Variants in NSG2 observed in about 807,000 individuals in gnomAD.
NSG2 encodes neuronal vesicle trafficking associated 2.
NSG2 carries 4 observed loss-of-function variants against 16.9 expected under a neutral mutation model. The ratio of observed to expected loss-of-function variants is 0.24; its 90% CI spans 0.12 to 0.54. The LOEUF is 0.54. Among genes scored for constraint, NSG2 ranks in the 20% least tolerant of loss-of-function variants. The probability of loss-of-function intolerance (pLI) is 0.95; values close to 1 mark genes in which losing one functional copy is unlikely to be tolerated. For synonymous variants in NSG2, 98 were observed against 88.7 expected (o/e 1.11, Z -0.59); for missense variants, 179 against 221.1 (o/e 0.81, Z 1.21).
intron 2 of NSG2, among the ~76,000 whole-genome samples, chr5:174,060,611 A>G (rs949822524): frequency 6.7e-6 from 1 of 150,320 alleles, no homozygotes; most frequent in African/African-American, 2.5e-5. Context: ...CGTAGGTCAG[A>G]AGTCCAGCCA....
At chr5:174,091,616 C>T (rs1319628049) in intron 3 of NSG2, among the ~76,000 whole-genome samples, 1 of 150,562 alleles carries the variant, frequency 6.6e-6, no homozygotes, top group Non-Finnish European at 1.5e-5. Flanking sequence ...CAGTAGCAGA[C>T]AGCCTAGAAC....
At chr5:174,101,450 T>C (rs949851858) in intron 3 of NSG2, among the ~76,000 whole-genome samples, 3 of 152,154 alleles carry the variant, frequency 2.0e-5, no homozygotes, top group African/African-American at 7.2e-5. Context: ...TATCAGTCAT[T>C]CCCCATTCCC....
At chr5:174,077,677 T>C (rs1319777948) in intron 3 of NSG2, among the ~76,000 whole-genome samples, 1 of 152,168 alleles carries the variant, frequency 6.6e-6, no homozygotes, top group African/African-American at 2.4e-5. Context: ...ACCATTTCCT[T>C]TCTGGGACTT....
intron 3 of NSG2, among the ~76,000 whole-genome samples, chr5:174,097,843 CTGTGTG>C (rs111292177): frequency 2.1e-5 from 3 of 144,364 alleles, no homozygotes; most frequent in South Asian, 2.2e-4. Flanking sequence ...TTGTGTGTGT[CTGTGTG>C]TGTGTGTGTG....
chr5:174,064,141 G>A, intron 2 of NSG2, 91 bp from the exon 3 acceptor site: 1 of 834,344 alleles, frequency 1.2e-6, no homozygotes, highest in Non-Finnish European at 1.8e-6. Context: ...TGATCTTTAT[G>A]TCATGTGTAA....
rs1226231191 is a variant in NSG2, at chr5:174,064,543, A to G, written c.213+228A>G. Reference sequence around the variant, plus strand: ...CGTGTACTCTGGAATGTTCTGATAAATCTCATAATTGATAAATGCCTCTTC... The same window carrying G: ...CGTGTACTCTGGAATGTTCTGATAAGTCTCATAATTGATAAATGCCTCTTC... On this transcript the variant is annotated intron_variant, in intron 3 of 4. Transcript: ENST00000303177. 6 of 364,008 alleles carry G rather than the reference A, an allele frequency of 1.6e-5. No homozygotes were observed. In the East Asian group the frequency reaches 2.4e-4, roughly 15 times the overall value. The allele number at this position is 364,008 out of a possible 1,614,324, so 22.5% of individuals were successfully genotyped here.
intron 3 of NSG2, among the ~76,000 whole-genome samples, chr5:174,073,703 T>C (rs77733431): frequency 0.016 from 2,441 of 152,270 alleles, 27 homozygotes; most frequent in Non-Finnish European, 0.021. Context: ...AAAACACACA[T>C]TGTGCTGCCT....
intron 2 of NSG2, among the ~76,000 whole-genome samples, chr5:174,048,717 C>G (rs1231135427): frequency 6.6e-6 from 1 of 152,168 alleles, no homozygotes; most frequent in East Asian, 1.9e-4. Flanking sequence ...CCCTTACTCT[C>G]CCACCCACCT....
At chr5:174,069,206 C>A (rs558091895) in intron 3 of NSG2, among the ~76,000 whole-genome samples, 1 of 151,788 alleles carries the variant, frequency 6.6e-6, no homozygotes, top group East Asian at 2.0e-4. Flanking sequence ...GCTATGGAGG[C>A]AGCTGGTGCC....
At chr5:174,102,632 CT>C (rs10714316) in intron 3 of NSG2, among the ~76,000 whole-genome samples, 48,876 of 151,794 alleles carry the variant, frequency 0.32, 11,153 homozygotes, top group African/African-American at 0.65. Context: ...GGTGCCCCCA[CT>C]TTGTTTGGTG....
chr5:174,077,500 A>G (rs557526821), intron 3 of NSG2, among the ~76,000 whole-genome samples: 1 of 152,260 alleles, frequency 6.6e-6, no homozygotes, highest in South Asian at 2.1e-4. Flanking sequence ...TTCTCGACAC[A>G]CTGGACCCGA....
chr5:174,070,051 A>C (rs1760209721), intron 3 of NSG2, among the ~76,000 whole-genome samples: 1 of 151,480 alleles, frequency 6.6e-6, no homozygotes, highest in Non-Finnish European at 1.5e-5. Flanking sequence ...CTAATTTAAA[A>C]AGGTTTTTCT....
At position 174,093,034 on chromosome 5, in the gene NSG2, C is replaced by G. The variant is rs115966357; in HGVS notation, c.214-11194C>G. Among the ~76,000 whole-genome samples the G allele has an allele frequency of 8.7e-3, 1,331 of 152,216 alleles. 17 individuals are homozygous for G. The highest frequency in any genetic ancestry group is 0.031 in the African/African-American group (1,291 of 41,522). The stretch of plus-strand genomic sequence containing the variant: ...GCAATATATTTTTAATAAAAATGAA[C>G]TGTAATGTTATTGTAGGTTTATAGG... On this transcript the variant is annotated intron_variant, in intron 3 of 4. Coordinates refer to ENST00000303177, the MANE Select transcript of NSG2 (RefSeq NM_015980.5).
At chr5:174,045,903 C>G (rs1759788045) in intron 1 of NSG2, 60 bp downstream of exon 1, 1 of 152,366 alleles carries the variant, frequency 6.6e-6, no homozygotes, top group Non-Finnish European at 1.5e-5. Context: ...CCCTTTCACC[C>G]CCACAACAAC....
chr5:174,076,000 A>T (rs1393911361), intron 3 of NSG2, among the ~76,000 whole-genome samples: 1 of 152,232 alleles, frequency 6.6e-6, no homozygotes, highest in Non-Finnish European at 1.5e-5. Flanking sequence ...TCATTCATTC[A>T]TTCTAATTCT....
chr5:174,080,252 C>G (rs1253161920), intron 3 of NSG2, among the ~76,000 whole-genome samples: 2 of 150,726 alleles, frequency 1.3e-5, no homozygotes, highest in Admixed American at 6.6e-5. Flanking sequence ...TCCTTTCACT[C>G]CTTACCCATT....
intron 3 of NSG2, among the ~76,000 whole-genome samples, chr5:174,101,784 T>G (rs572457117): frequency 2.0e-4 from 31 of 152,368 alleles, no homozygotes; most frequent in African/African-American, 6.7e-4. Flanking sequence ...AAACACATGT[T>G]GATCATGTGT....
chr5:174,080,410 T>C (rs969389020), intron 3 of NSG2, among the ~76,000 whole-genome samples: 1 of 151,446 alleles, frequency 6.6e-6, no homozygotes, highest in African/African-American at 2.4e-5. Flanking sequence ...TTTACTTGGA[T>C]TACATAAATT....
intron 3 of NSG2, among the ~76,000 whole-genome samples, chr5:174,097,896 TA>T (rs1760832263): frequency 1.3e-5 from 2 of 151,874 alleles, no homozygotes; most frequent in South Asian, 4.2e-4. Flanking sequence ...TCTCTGGTCT[TA>T]ATTCAACTCA....
Sources: allele counts gnomAD v4.1 joint callset (sites outside exome capture counted in the v4.1 genomes callset), GRCh38; gene constraint gnomAD v4.1.1; transcripts MANE v1.5; gene names NCBI Gene and HGNC (gene_info 2026-07-23, HGNC 2026-07-21).